Variants in AGBL4 observed in about 807,000 individuals in gnomAD.
AGBL4 encodes AGBL carboxypeptidase 4, also known as cytosolic carboxypeptidase 6.
Under a neutral mutation model 66.4 loss-of-function variants are expected in AGBL4, and 58 were observed. The observed-to-expected ratio is 0.87, with a 90% CI of 0.71 to 1.09. AGBL4 has a LOEUF of 1.09. AGBL4 is among the 50% of genes least tolerant of loss of function. The pLI is 0.00. For missense variants in AGBL4, 579 were observed against 631.0 expected (o/e 0.92, Z 0.88); for synonymous variants, 234 against 222.9 (o/e 1.05, Z -0.44).
At chr1:49,571,329 ATTTT>A (rs535507958) in intron 3 of AGBL4, among the ~76,000 whole-genome samples, 13 of 151,292 alleles carry the variant, frequency 8.6e-5, no homozygotes, top group African/African-American at 3.2e-4. Context: ...ATTCCTAGGT[ATTTT>A]TTTTCAGTTA....
intron 3 of AGBL4, among the ~76,000 whole-genome samples, chr1:49,534,125 TA>T: frequency 8.4e-6 from 1 of 118,538 alleles, no homozygotes; most frequent in Non-Finnish European, 1.6e-5. Context: ...GTTAGCTCAT[TA>T]AATCCTCACA....
chr1:48,977,662 C>G (rs1029785580), intron 5 of AGBL4, among the ~76,000 whole-genome samples: 2 of 152,038 alleles, frequency 1.3e-5, no homozygotes, highest in African/African-American at 4.8e-5. Flanking sequence ...CTAAGGCTAC[C>G]ACTGGTCATT....
chr1:48,885,099 G>A (rs998957548), intron 5 of AGBL4, among the ~76,000 whole-genome samples: 1 of 152,122 alleles, frequency 6.6e-6, no homozygotes, highest in Non-Finnish European at 1.5e-5. Context: ...TAGTCCAGGG[G>A]TGGCAAACTG....
intron 5 of AGBL4, among the ~76,000 whole-genome samples, chr1:49,036,538 T>C (rs901953528): frequency 6.6e-6 from 1 of 152,054 alleles, no homozygotes; most frequent in African/African-American, 2.4e-5. Flanking sequence ...ATCAAGGGCA[T>C]GTAGTCAGTG....
At chr1:49,317,158 T>C (rs577535235) in intron 3 of AGBL4, among the ~76,000 whole-genome samples, 1 of 152,062 alleles carries the variant, frequency 6.6e-6, no homozygotes, top group African/African-American at 2.4e-5. Context: ...AATTGGGTTA[T>C]GAGCCGGATT....
chr1:49,985,293 C>T (rs1005534233), intron 1 of AGBL4, among the ~76,000 whole-genome samples: 2 of 151,806 alleles, frequency 1.3e-5, no homozygotes, highest in Non-Finnish European at 2.9e-5. Flanking sequence ...TTATTAGAAA[C>T]GAATCCAAGA....
rs758614838 is a variant in AGBL4, at chr1:49,787,052, G to T, written c.157+64344C>A. On this transcript the variant is annotated intron_variant, in intron 2 of 13. Transcript: ENST00000371839. ...ATACTGTACAAGATTCCACTGACAC[G>T]CTCCCTAAGTCCCCCCTGTAACAGT... Among the ~76,000 whole-genome samples the T allele has an allele frequency of 2.6e-5, 4 of 151,990 alleles. No homozygotes were observed. The South Asian group carries it at 8.3e-4, about 32-fold the overall frequency.
chr1:48,655,961 T>G (rs1461970691), intron 7 of AGBL4, among the ~76,000 whole-genome samples: 1 of 152,200 alleles, frequency 6.6e-6, no homozygotes, highest in Non-Finnish European at 1.5e-5. Flanking sequence ...CCGCCAAAAG[T>G]AGAAGAATCA....
At chr1:49,494,564 G>T (rs1647358712) in intron 3 of AGBL4, among the ~76,000 whole-genome samples, 1 of 151,884 alleles carries the variant, frequency 6.6e-6, no homozygotes, top group Non-Finnish European at 1.5e-5. Context: ...TGAGAATGAT[G>T]ATTTCCAATT....
chr1:49,515,018 A>C (rs898846994), intron 3 of AGBL4, among the ~76,000 whole-genome samples: 1 of 152,146 alleles, frequency 6.6e-6, no homozygotes, highest in Non-Finnish European at 1.5e-5. Context: ...AATGGCAACA[A>C]AAGACAAAAT....
chr1:49,922,201 T>C (rs1652327125), intron 1 of AGBL4, among the ~76,000 whole-genome samples: 1 of 152,228 alleles, frequency 6.6e-6, no homozygotes, highest in South Asian at 2.1e-4. Flanking sequence ...AAAGCCTACT[T>C]GATCACTGTG....
At chr1:49,962,129 G>C (rs571231963) in intron 1 of AGBL4, among the ~76,000 whole-genome samples, 74 of 152,196 alleles carry the variant, frequency 4.9e-4, no homozygotes, top group African/African-American at 1.6e-3. Context: ...TATCTTAATG[G>C]TCTAGTAATT....
At chr1:49,612,483 G>T (rs1645173534) in intron 3 of AGBL4, among the ~76,000 whole-genome samples, 1 of 152,060 alleles carries the variant, frequency 6.6e-6, no homozygotes, top group Non-Finnish European at 1.5e-5. Context: ...TAATATTCAG[G>T]ATAGATTCTA....
chr1:49,529,908 G>T (rs1396024827), intron 3 of AGBL4, among the ~76,000 whole-genome samples: 1 of 151,738 alleles, frequency 6.6e-6, no homozygotes, highest in Non-Finnish European at 1.5e-5. Flanking sequence ...GCAGAGCGGG[G>T]GTAAGAGAAG....
intron 3 of AGBL4, among the ~76,000 whole-genome samples, chr1:49,479,596 G>A (rs546524124): frequency 2.6e-5 from 4 of 151,870 alleles, no homozygotes; most frequent in Admixed American, 2.6e-4. Flanking sequence ...TAAGGATAAC[G>A]GTGTCCAGCC....
chr1:48,817,818 A>C (rs1646216674), intron 6 of AGBL4: 1 of 543,232 alleles, frequency 1.8e-6, no homozygotes, highest in Non-Finnish European at 3.3e-6. Context: ...TAGAAAGTGC[A>C]GCACCTAGGA....
intron 5 of AGBL4, among the ~76,000 whole-genome samples, chr1:48,932,229 C>G (rs1571031559): frequency 6.6e-6 from 1 of 152,124 alleles, no homozygotes; most frequent in Non-Finnish European, 1.5e-5. Flanking sequence ...AAAAGCTTTG[C>G]AAGTTTAATT....
chr1:49,029,403 A>T (rs1428800741), intron 5 of AGBL4, among the ~76,000 whole-genome samples: 1 of 152,194 alleles, frequency 6.6e-6, no homozygotes, highest in Non-Finnish European at 1.5e-5. Flanking sequence ...ATTTAAGTCC[A>T]AAACAAAATT....
At chr1:48,532,236 C>T (rs138619745), downstream of AGBL4, among the ~76,000 whole-genome samples, 887 of 152,300 alleles carry the variant, frequency 5.8e-3, 1 homozygote, top group Admixed American at 9.9e-3. Context: ...ATTTTCCACA[C>T]GTAAGTTCAT....
Sources: gnomAD v4.1 joint callset for allele counts (sites outside exome capture counted in the v4.1 genomes callset) on GRCh38, gnomAD v4.1.1 for gene constraint, MANE v1.5 for transcripts, NCBI Gene and HGNC (gene_info 2026-07-23, HGNC 2026-07-21) for gene names.